The following CLN6 variants were observed in gnomAD, a reference collection of about 807,000 sequenced individuals.
CLN6 encodes the protein CLN6 transmembrane ER protein.
A neutral mutation model predicts 33.3 loss-of-function variants in CLN6; 22 were observed. That is an observed-to-expected ratio of 0.66 (90% CI 0.47 to 0.94). The LOEUF (loss-of-function observed/expected upper bound fraction) is 0.94. CLN6 is among the 40% of genes least tolerant of loss of function. CLN6 has a pLI of 0.00. For missense variants in CLN6, 387 were observed against 417.1 expected (o/e 0.93, Z 0.63); for synonymous variants, 201 against 174.6 (o/e 1.15, Z -1.19).
At position 68,256,757 on chromosome 15, in the gene CLN6, T is replaced by C; in HGVS notation, c.112A>G (p.Lys38Glu). 1 of 701,904 alleles carries C rather than the reference T, an allele frequency of 1.4e-6. No homozygotes were observed. The highest frequency in any genetic ancestry group is 1.5e-5 in the South Asian group (1 of 67,578). 43.5% of individuals were successfully genotyped at this position (701,904 alleles called of 1,614,324 possible). A position where few individuals can be genotyped will look rare whatever the true frequency, so the allele number is the denominator to read the frequency against. The change falls in exon 1 of 7, where the codon AAG becomes GAG. Residue 38 changes from lysine to glutamate, a missense_variant. By Grantham distance (56) the Lys-to-Glu change is moderately conservative (BLOSUM62 1). Transcript: ENST00000538696. This position sits in a 1 kb window ranked among gnomAD's most constrained non-coding sequence, Gnocchi z 4.1. ...GACAATGGCGCCTGCGCCAGTGGCT[T>C]GAAGGCTCGGCTCAAGCCCGCCTCG... is the stretch of plus-strand genomic sequence containing the variant.
intron 1 of CLN6, among the ~76,000 whole-genome samples, chr15:68,240,676 A>G (rs1892272366): frequency 6.6e-6 from 1 of 150,434 alleles, no homozygotes; most frequent in Non-Finnish European, 1.5e-5. Context: ...GTTGGGCAAG[A>G]TTCCTTTAAA....
At chr15:68,229,097 G>A (rs1189984933) in intron 1 of CLN6, among the ~76,000 whole-genome samples, 1 of 152,158 alleles carries the variant, frequency 6.6e-6, no homozygotes, top group African/African-American at 2.4e-5. Flanking sequence ...CGCGGAGGTG[G>A]CGCCCGGAAC....
rs1177013451 is a variant in CLN6 at position 68,209,975 on chromosome 15, A to G, written c.543-216T>C. The stretch of plus-strand genomic sequence containing the variant: ...CAGGAAGGCAACGCACGTGTGAGTC[A>G]GAGGCCCAGAGGCATCCACACCGCC... On this transcript the variant is annotated intron_variant, in intron 5 of 6. Coordinates refer to ENST00000249806, the MANE Select transcript of CLN6 (RefSeq NM_017882.3). This position sits in a 1 kb window ranked among gnomAD's most constrained non-coding sequence, Gnocchi z 4.9. Among the ~76,000 whole-genome samples, 1 of 152,268 alleles carries G rather than the reference A, an allele frequency of 6.6e-6. No individual in the cohort carries two copies.
rs1322900288 is a variant in CLN6 at position 68,209,594 on chromosome 15, T to C, written c.665+43A>G. 4 of 1,608,936 alleles carry C rather than the reference T, an allele frequency of 2.5e-6. No individual in the cohort carries two copies. Among genetic ancestry groups the C allele is most frequent in the Non-Finnish European group, 3.4e-6 (4 of 1,179,308 alleles). On this transcript the variant is annotated intron_variant, in intron 6 of 6. Coordinates refer to ENST00000249806, the MANE Select transcript of CLN6 (RefSeq NM_017882.3). The surrounding 1 kb of genome is among the most constrained non-coding windows in gnomAD (Gnocchi z 4.9). The stretch of plus-strand genomic sequence containing the variant: ...GTGCAGAATTTTGCTGCCGTGGCTC[T>C]CTCAGTGCCCCTGCCTCTGCCCCCA...
intron 1 of CLN6, among the ~76,000 whole-genome samples, chr15:68,224,331 TC>T (rs1386350970): frequency 8.8e-6 from 1 of 113,914 alleles, no homozygotes; most frequent in African/African-American, 3.3e-5. Flanking sequence ...AGCTTGCAAA[TC>T]AAGATTAGAC....
In CLN6 at chr15:68,210,764, G is replaced by C. The variant is rs1017194480; in HGVS notation, c.542+499C>G. On this transcript the variant is annotated intron_variant, in intron 5 of 6. Transcript: ENST00000249806. The surrounding 1 kb of genome is among the most constrained non-coding windows in gnomAD (Gnocchi z 5.6). The stretch of plus-strand genomic sequence containing the variant: ...TGCCCCTCTGGGAGTTCTGAAGAGG[G>C]GGGAGCGCAAACAGCACGCCCCTCC... Among the ~76,000 whole-genome samples, 2 of 152,142 alleles carry C rather than the reference G, an allele frequency of 1.3e-5. No individual in the cohort carries two copies. Among genetic ancestry groups the C allele is most frequent in the Admixed American group, 6.5e-5 (1 of 15,276 alleles).
In CLN6 at chr15:68,208,109, C is replaced by CCCCCCA; in HGVS notation, c.*30_*31insTGGGGG. ...GCCCTCCATGGCCCACCCTCCCACC[C>CCCCCCA]AGCAGAGCGCCAGAGCCTGGTGCCA... On this transcript the variant is annotated 3_prime_UTR_variant, in exon 7 of 7. Transcript: ENST00000249806. The surrounding 1 kb of genome is among the most constrained non-coding windows in gnomAD (Gnocchi z 5.8). 1 of 1,587,388 alleles carries CCCCCCA rather than the reference C, an allele frequency of 6.3e-7. No homozygotes were observed. The highest frequency in any genetic ancestry group is 8.6e-7 in the Non-Finnish European group (1 of 1,166,264).
chr15:68,237,676 G>A (rs1892234329), intron 1 of CLN6, among the ~76,000 whole-genome samples: 1 of 152,194 alleles, frequency 6.6e-6, no homozygotes, highest in African/African-American at 2.4e-5. Flanking sequence ...AGGGTAGAAT[G>A]AGAAAGTCTA....
At position 68,240,162 on chromosome 15, in the gene CLN6, G is replaced by A. The variant is rs73425900; in HGVS notation, c.179+16528C>T. 4.8e-3 allele frequency among the ~76,000 whole-genome samples: 737 copies of A among 152,022 alleles called. 5 individuals are homozygous for A. The highest frequency in any genetic ancestry group is 0.015 in the African/African-American group (632 of 41,466). ...CTTTCATTAGAAAAGAAAAAAGACTGAAAATTAATAAGCTAGGCTTCACTG... is the reference window on the plus strand; with the variant it reads ...CTTTCATTAGAAAAGAAAAAAGACTAAAAATTAATAAGCTAGGCTTCACTG... On this transcript the variant is annotated intron_variant, in intron 1 of 6. Coordinates refer to the CLN6 transcript ENST00000538696.
Position 68,209,859 on chromosome 15 carries a change from C to T in CLN6, c.543-100G>A, listed in dbSNP as rs2093199744. ...TGGGGTCTCATGGAGTGCCACGTCACAGTTTACAAAACGCCTAGCCTGGGT... is the reference window on the plus strand; with the variant it reads ...TGGGGTCTCATGGAGTGCCACGTCATAGTTTACAAAACGCCTAGCCTGGGT... On this transcript the variant is annotated intron_variant, in intron 5 of 6. Transcript: ENST00000249806. This position sits in a 1 kb window ranked among gnomAD's most constrained non-coding sequence, Gnocchi z 4.9. 1.3e-6 allele frequency: 2 copies of T among 1,546,210 alleles called. No individual in the cohort carries two copies. The highest frequency in any genetic ancestry group is 1.1e-5 in the South Asian group (1 of 89,056).
At position 68,241,079 on chromosome 15, in the gene CLN6, T is replaced by G. The variant is rs950979857; in HGVS notation, c.179+15611A>C. ...AAGAAAGCTGCAAATATGGAAGAGATGAAAAAGATAAACATGCCATAAATA... is the reference window on the plus strand; with the variant it reads ...AAGAAAGCTGCAAATATGGAAGAGAGGAAAAAGATAAACATGCCATAAATA... On this transcript the variant is annotated intron_variant, in intron 1 of 6. Coordinates refer to the CLN6 transcript ENST00000538696. The surrounding 1 kb of genome is among the most constrained non-coding windows in gnomAD (Gnocchi z 4.2). Among the ~76,000 whole-genome samples the G allele has an allele frequency of 6.6e-6, 1 of 150,416 alleles. No individual in the cohort carries two copies. Among genetic ancestry groups the G allele is most frequent in the Non-Finnish European group, 1.5e-5 (1 of 67,752 alleles).
chr15:68,248,239 T>C (rs1210773763), intron 1 of CLN6: 1 of 149,610 alleles, frequency 6.7e-6, no homozygotes, highest in East Asian at 1.9e-4. Flanking sequence ...TGGGAAAGGA[T>C]AGTCTTTTCA....
Position 68,218,550 on chromosome 15 carries a change from G to A in CLN6, c.184C>T (p.Arg62Cys), listed in dbSNP as rs1451777867. ...TLQNWVLDFG[R>C]PIAMLVFPLE... The stretch of plus-strand genomic sequence containing the variant: ...TTCACACTCACCATGGCAATGGGAC[G>A]CCCAAAGTCCAGAACCCAGTTCTGC... The change falls in exon 2 of 7, where the codon CGT becomes TGT. Residue 62 changes from arginine (R) to cysteine (C), a missense_variant. Physicochemically the swap from Arg to Cys is radical, Grantham distance 180. Transcript: ENST00000249806. 5.6e-6 allele frequency: 9 copies of A among 1,612,704 alleles called. No individual in the cohort carries two copies. The highest frequency in any genetic ancestry group is 4.5e-5 in the East Asian group (2 of 44,880).
chr15:68,222,253 C>A (rs1247516817), intron 1 of CLN6, among the ~76,000 whole-genome samples: 4 of 145,208 alleles, frequency 2.8e-5, no homozygotes, highest in African/African-American at 1.0e-4. Context: ...CCTGGCCGCC[C>A]CATCTGGGAA....
intron 1 of CLN6, among the ~76,000 whole-genome samples, chr15:68,251,353 T>A (rs923005398): frequency 5.9e-5 from 9 of 152,148 alleles, no homozygotes; most frequent in Non-Finnish European, 1.3e-4. Context: ...TAATGGTAGA[T>A]CACTGTAAAC....
intron 1 of CLN6, among the ~76,000 whole-genome samples, chr15:68,235,587 A>AATATATATATAT (rs59823320): frequency 1.1e-5 from 1 of 95,104 alleles, no homozygotes; most frequent in African/African-American, 4.6e-5. Flanking sequence ...AATAAAAATA[A>AATATATATATAT]ATATATATAT....
intron 3 of CLN6, 132 bp downstream of exon 3, chr15:68,214,158 C>G (rs2093213897): frequency 1.4e-6 from 1 of 734,292 alleles, no homozygotes; most frequent in Admixed American, 2.1e-5. Context: ...ACATGCTGCT[C>G]TGTCACAGCC....
At chr15:68,253,534 T>C (rs1250835946) in intron 1 of CLN6, among the ~76,000 whole-genome samples, 3 of 152,236 alleles carry the variant, frequency 2.0e-5, no homozygotes, top group Non-Finnish European at 4.4e-5. Context: ...TTTGGAGCTG[T>C]GTTTTTCACC....
At chr15:68,217,823 CTTAA>C (rs754981958) in intron 2 of CLN6, among the ~76,000 whole-genome samples, 7 of 152,130 alleles carry the variant, frequency 4.6e-5, no homozygotes, top group Non-Finnish European at 1.0e-4. Flanking sequence ...TGATATCTCA[CTTAA>C]TTTTCTTCAC....
Sources: gnomAD v4.1 joint callset for allele counts (sites outside exome capture counted in the v4.1 genomes callset) on GRCh38, gnomAD v4.1.1 for gene constraint, Gnocchi (gnomAD v3.1) non-coding constraint, MANE v1.5 for transcripts, NCBI Gene and HGNC (gene_info 2026-07-23, HGNC 2026-07-21) for gene names.